Variants in WDTC1 observed in about 807,000 individuals in gnomAD.
WDTC1 encodes WD and tetratricopeptide repeats protein 1.
A neutral mutation model predicts 76.0 loss-of-function variants in WDTC1; 12 were observed. That is an observed-to-expected ratio of 0.16 (90% CI 0.10 to 0.26). The LOEUF (loss-of-function observed/expected upper bound fraction) is 0.26, where lower values mean the gene tolerates loss of function less well. Ranked by LOEUF, WDTC1 falls within the 10% of genes least tolerant of loss-of-function variation. The pLI, the probability that WDTC1 is intolerant of heterozygous loss-of-function variation, is 1.00. For missense variants in WDTC1, 511 were observed against 908.8 expected, an observed-to-expected ratio of 0.56 and a Z score of 5.63; for synonymous variants, 326 against 350.8, an observed-to-expected ratio of 0.93 and a Z score of 0.79.
chr1:27,294,398 T>G, intron 8 of WDTC1, 116 bp from the exon 9 acceptor site: 1 of 922,982 alleles, frequency 1.1e-6, no homozygotes, highest in South Asian at 1.5e-5. Context: ...TCAACACTTG[T>G]AGCTGCTTTT....
chr1:27,288,857 G>C (rs946001100), intron 6 of WDTC1, among the ~76,000 whole-genome samples: 4 of 152,148 alleles, frequency 2.6e-5, no homozygotes, highest in African/African-American at 9.7e-5. Flanking sequence ...TTCTCAATGA[G>C]CTGTTGGGTA....
intron 1 of WDTC1, among the ~76,000 whole-genome samples, chr1:27,239,094 G>A (rs879458159): frequency 4.0e-4 from 60 of 148,816 alleles, no homozygotes; most frequent in Non-Finnish European, 3.4e-4. Flanking sequence ...CATAGAGATG[G>A]GGTTTCACTA....
At chr1:27,236,496 A>C (rs1256581775) in intron 1 of WDTC1, among the ~76,000 whole-genome samples, 1 of 152,230 alleles carries the variant, frequency 6.6e-6, no homozygotes, top group Non-Finnish European at 1.5e-5. Context: ...ACTCTGCCGA[A>C]TAATTGAGCA....
chr1:27,276,747 G>A (rs2013040773), intron 3 of WDTC1, among the ~76,000 whole-genome samples: 2 of 151,480 alleles, frequency 1.3e-5, no homozygotes, highest in Admixed American at 6.6e-5. Context: ...CCCTCCTGGT[G>A]GGTGTGAAGT....
intron 2 of WDTC1, among the ~76,000 whole-genome samples, 194 bp from the exon 3 acceptor site, chr1:27,262,958 T>G (rs1372489751): frequency 2.0e-5 from 3 of 152,164 alleles, no homozygotes; most frequent in Non-Finnish European, 4.4e-5. Flanking sequence ...CACAACTTAG[T>G]GCTTAATTAT....
chr1:27,268,751 G>T (rs2012758373), intron 3 of WDTC1, among the ~76,000 whole-genome samples: 1 of 147,970 alleles, frequency 6.8e-6, no homozygotes, highest in South Asian at 2.1e-4. Flanking sequence ...GTCTCACTCT[G>T]TCGCTCAGGC....
At chr1:27,285,932 C>CA (rs1243097022) in intron 5 of WDTC1, among the ~76,000 whole-genome samples, 1 of 150,436 alleles carries the variant, frequency 6.6e-6, no homozygotes, top group Admixed American at 6.6e-5. Flanking sequence ...GCTATGGTTG[C>CA]AGCTGTTTTT....
At chr1:27,294,474 AGGGACT>A in intron 8 of WDTC1, 34 bp from the exon 9 acceptor site, 1 of 1,573,862 alleles carries the variant, frequency 6.4e-7, no homozygotes, top group Non-Finnish European at 8.7e-7. Flanking sequence ...CCCCTTTGAA[AGGGACT>A]GGGACCCTAG....
chr1:27,254,237 T>C (rs1250248613), intron 1 of WDTC1, among the ~76,000 whole-genome samples: 1 of 152,142 alleles, frequency 6.6e-6, no homozygotes, highest in East Asian at 1.9e-4. Flanking sequence ...ATAGGCATGC[T>C]CCAAGATGAG....
intron 14 of WDTC1, 51 bp from the exon 15 acceptor site, chr1:27,304,950 G>A (rs1016369645): frequency 1.3e-6 from 2 of 1,553,106 alleles, no homozygotes; most frequent in Admixed American, 1.8e-5. Flanking sequence ...TCTACTTGAG[G>A]CTGTAGGGCA....
intron 4 of WDTC1, 88 bp downstream of exon 4, chr1:27,282,373 A>T: frequency 7.4e-7 from 1 of 1,346,902 alleles, no homozygotes; most frequent in South Asian, 1.2e-5. Flanking sequence ...GGATCCAAGG[A>T]AAAGATTGGA....
intron 6 of WDTC1, 139 bp from the exon 7 acceptor site, chr1:27,292,076 G>T: frequency 1.2e-6 from 1 of 854,516 alleles, no homozygotes; most frequent in Non-Finnish European, 1.8e-6. Flanking sequence ...CAAGAAATGG[G>T]AGTTGTTTTT....
At chr1:27,268,481 T>G (rs1368716766) in intron 3 of WDTC1, among the ~76,000 whole-genome samples, 1 of 148,868 alleles carries the variant, frequency 6.7e-6, no homozygotes. Flanking sequence ...TGCAGTGGCG[T>G]GATCTTGGCT....
At position 27,287,787 on chromosome 1, in the gene WDTC1, C is replaced by A; in HGVS notation, c.405C>A (p.Asn135Lys). ...ETIHMFGDHT[N>K]RVKRIATAPM... ...TCCACATGTTTGGAGACCACACAAA[C>A]CGGGTGAAGCGCATCGCCACAGCGC... Residue 135 changes from asparagine (N) to lysine (K), a missense_variant, in exon 6 of 16, where the codon AAC becomes AAA. By Grantham distance (94) the Asn-to-Lys change is moderately conservative (BLOSUM62 0). Transcript: ENST00000319394. 6.2e-7 allele frequency: 1 copy of A among 1,614,060 alleles called. No homozygotes were observed. Among genetic ancestry groups the A allele is most frequent in the Non-Finnish European group, 8.5e-7 (1 of 1,179,998 alleles).
chr1:27,289,103 G>A (rs1283304039), intron 6 of WDTC1, among the ~76,000 whole-genome samples: 20 of 143,190 alleles, frequency 1.4e-4, no homozygotes, highest in East Asian at 2.3e-4. Flanking sequence ...CCTCCCTCCT[G>A]GACGGGGCGG....
At chr1:27,249,352 C>T (rs1195356704) in intron 1 of WDTC1, among the ~76,000 whole-genome samples, 1 of 151,804 alleles carries the variant, frequency 6.6e-6, no homozygotes, top group Non-Finnish European at 1.5e-5. Context: ...AATCTACTTC[C>T]TATTTCTATT....
At chr1:27,304,825 A>T (rs1286618288) in intron 14 of WDTC1, 176 bp from the exon 15 acceptor site, 1 of 595,556 alleles carries the variant, frequency 1.7e-6, no homozygotes, top group Non-Finnish European at 2.9e-6. Context: ...GTTTAAGAGA[A>T]CAGTGACCAG....
chr1:27,283,851 A>T (rs778842999), intron 5 of WDTC1, among the ~76,000 whole-genome samples: 6 of 152,236 alleles, frequency 3.9e-5, no homozygotes, highest in Non-Finnish European at 7.3e-5. Context: ...AATCTCCCAG[A>T]TTTGTAAACA....
rs2013993292 is a variant in WDTC1 at position 27,307,830 on chromosome 1, C to G, written c.*1447C>G. ...TCCCCCTTCCTTCCCACCCCAGTCC[C>G]TCTTCCCACCCCTCTCTTCTAGCTT... is the stretch of plus-strand genomic sequence containing the variant. On this transcript the variant is annotated 3_prime_UTR_variant, in exon 16 of 16. Transcript: ENST00000319394. This position sits in a 1 kb window ranked among gnomAD's most constrained non-coding sequence, Gnocchi z 4.1. 6.6e-6 allele frequency: 1 copy of G among 152,592 alleles called. No individual in the cohort carries two copies. Among genetic ancestry groups the G allele is most frequent in the Non-Finnish European group, 1.5e-5 (1 of 68,128 alleles). 9.5% of individuals were successfully genotyped at this position (152,592 alleles called of 1,614,324 possible).
Sources: gnomAD v4.1 joint callset for allele counts (sites outside exome capture counted in the v4.1 genomes callset) on GRCh38, gnomAD v4.1.1 for gene constraint, Gnocchi (gnomAD v3.1) non-coding constraint, MANE v1.5 for transcripts, NCBI Gene and HGNC (gene_info 2026-07-23, HGNC 2026-07-21) for gene names.